The following PLCG2 variants were observed in gnomAD, a reference collection of about 807,000 sequenced individuals.
PLCG2 encodes the protein phospholipase C gamma 2.
PLCG2 carries 69 observed loss-of-function variants against 175.6 expected under a neutral mutation model. The observed-to-expected ratio is 0.39, with a 90% CI of 0.32 to 0.48. PLCG2 has a LOEUF of 0.48. PLCG2 is among the 20% of genes least tolerant of loss of function. The pLI, the probability that PLCG2 is intolerant of heterozygous loss-of-function variation, is 0.91. For synonymous variants in PLCG2, 827 were observed against 624.0 expected (o/e 1.33, Z -4.85); for missense variants, 1,798 against 1,650.9 (o/e 1.09, Z -1.54).
chr16:81,951,322 G>A (rs577320095), intron 31 of PLCG2, among the ~76,000 whole-genome samples: 27 of 152,272 alleles, frequency 1.8e-4, no homozygotes, highest in Non-Finnish European at 3.7e-4. Flanking sequence ...GGAAAAACAT[G>A]TAAGAGTAAA....
intron 2 of PLCG2, among the ~76,000 whole-genome samples, chr16:81,831,135 C>G (rs936622046): frequency 4.6e-5 from 7 of 152,226 alleles, no homozygotes; most frequent in Non-Finnish European, 1.0e-4. Context: ...CCTGGTCACA[C>G]ACCATGCTTT....
At chr16:81,835,138 C>T (rs921629438) in intron 2 of PLCG2, among the ~76,000 whole-genome samples, 1 of 152,178 alleles carries the variant, frequency 6.6e-6, no homozygotes, top group African/African-American at 2.4e-5. Context: ...TGACCTTGGA[C>T]AAGCTCCTTG....
intron 5 of PLCG2, among the ~76,000 whole-genome samples, chr16:81,860,730 G>C (rs773936938): frequency 3.9e-5 from 6 of 152,096 alleles, no homozygotes; most frequent in Non-Finnish European, 8.8e-5. Flanking sequence ...CAGCACTTTG[G>C]GAGGCAGAGG....
intron 5 of PLCG2, among the ~76,000 whole-genome samples, 183 bp from the exon 6 acceptor site, chr16:81,869,031 T>G (rs566239808): frequency 2.4e-4 from 37 of 152,388 alleles, no homozygotes; most frequent in African/African-American, 8.9e-4. Context: ...TGCTTGAGCC[T>G]TGCTCATTGA....
chr16:81,816,666 T>C lies in PLCG2; in HGVS notation c.193+30484T>C, dbSNP rs1415139276. Among the ~76,000 whole-genome samples, 21 of 141,050 alleles carry C rather than the reference T, an allele frequency of 1.5e-4. No individual in the cohort carries two copies. In the South Asian group the frequency reaches 1.7e-3, roughly 11 times the overall value. 92.5% of individuals were successfully genotyped at this position (141,050 alleles called of 152,430 possible). A position where few individuals can be genotyped will look rare whatever the true frequency, so the allele number is the denominator to read the frequency against. On this transcript the variant is annotated intron_variant, in intron 2 of 32. Transcript: ENST00000564138. ...GCTAATTTTAATTTTTTTTTTTTTTTTTTTTTTTTTTTTTTAGTAGAGGTG... is the reference window on the plus strand; with the variant it reads ...GCTAATTTTAATTTTTTTTTTTTTTCTTTTTTTTTTTTTTTAGTAGAGGTG...
chr16:81,825,299 T>TTTTTTG (rs1905001129), intron 2 of PLCG2, among the ~76,000 whole-genome samples: 1 of 147,398 alleles, frequency 6.8e-6, no homozygotes. Flanking sequence ...TTTTTTTTTT[T>TTTTTTG]TTTTTTTGAG....
At chr16:81,843,043 T>G (rs1405870357) in intron 2 of PLCG2, among the ~76,000 whole-genome samples, 24 of 144,140 alleles carry the variant, frequency 1.7e-4, no homozygotes, top group African/African-American at 3.4e-4. Flanking sequence ...GGGAAGGGGG[T>G]GGGGTTGTGC....
chr16:81,882,090 A>G (rs1163894666), intron 8 of PLCG2, among the ~76,000 whole-genome samples: 3 of 152,232 alleles, frequency 2.0e-5, no homozygotes, highest in Admixed American at 6.5e-5. Context: ...AGCTCAGGGC[A>G]TGTTTCATCT....
At chr16:81,935,835 C>A in intron 26 of PLCG2, 1 of 985,274 alleles carries the variant, frequency 1.0e-6, no homozygotes, top group South Asian at 4.7e-5. Context: ...CTTCTCCTAC[C>A]CAAAACCATT....
intron 30 of PLCG2, among the ~76,000 whole-genome samples, chr16:81,942,538 T>C (rs1484572719): frequency 1.3e-5 from 2 of 152,196 alleles, no homozygotes. Flanking sequence ...CCATTGTCAT[T>C]AGAGATGCAC....
In PLCG2 at chr16:81,771,696, AAAC is replaced by A. The variant is rs201264968; in HGVS notation, c.-47-14238_-47-14236del. ...CCCCCCCCAACCCCCCACCCAAAAA[AAAC>A]AACAACAAAAAAACTAAGTCCTAAA... On this transcript the variant is annotated intron_variant, in intron 2 of 5. Coordinates refer to the PLCG2 transcript ENST00000565054. Among the ~76,000 whole-genome samples, 1,283 of 152,002 alleles carry A rather than the reference AAAC, an allele frequency of 8.4e-3. 11 individuals are homozygous for A. The highest frequency in any genetic ancestry group is 0.024 in the Middle Eastern group (7 of 294).
intron 2 of PLCG2, among the ~76,000 whole-genome samples, chr16:81,812,194 C>T (rs1251781868): frequency 2.0e-5 from 3 of 152,002 alleles, no homozygotes; most frequent in African/African-American, 7.3e-5. Flanking sequence ...GGACTACAGG[C>T]ACCTGCCACC....
upstream of PLCG2, among the ~76,000 whole-genome samples, chr16:81,777,970 T>C (rs1186219924): frequency 7.2e-6 from 1 of 139,740 alleles, no homozygotes; most frequent in African/African-American, 2.7e-5. Context: ...TGAGCCGAGA[T>C]CGTGCCACTG....
intron 16 of PLCG2, among the ~76,000 whole-genome samples, chr16:81,908,059 C>G (rs765415779): frequency 6.6e-6 from 1 of 152,206 alleles, no homozygotes; most frequent in Non-Finnish European, 1.5e-5. Flanking sequence ...CCCATGCTTT[C>G]CTGTTGCCCT....
At chr16:81,943,509 TGGA>T (rs1427493942) in intron 30 of PLCG2, among the ~76,000 whole-genome samples, 2 of 152,074 alleles carry the variant, frequency 1.3e-5, no homozygotes, top group African/African-American at 2.4e-5. Flanking sequence ...GCTCCAACAG[TGGA>T]GATCACAATT....
intron 2 of PLCG2, among the ~76,000 whole-genome samples, chr16:81,803,360 T>C (rs1044140192): frequency 6.6e-6 from 1 of 152,056 alleles, no homozygotes; most frequent in Non-Finnish European, 1.5e-5. Flanking sequence ...TAGCCTAACA[T>C]AAGGTTCGTT....
intron 1 of PLCG2, among the ~76,000 whole-genome samples, chr16:81,750,422 C>CAAAA (rs35697599): frequency 5.5e-5 from 6 of 110,018 alleles, no homozygotes; most frequent in African/African-American, 1.9e-4. Flanking sequence ...GACTCTGTCT[C>CAAAA]AAAAAAAAAA....
chr16:81,839,415 A>G (rs1905702213), intron 2 of PLCG2, among the ~76,000 whole-genome samples: 1 of 152,114 alleles, frequency 6.6e-6, no homozygotes, highest in Non-Finnish European at 1.5e-5. Flanking sequence ...ATTTTGATAC[A>G]CAGTACTGGT....
intron 18 of PLCG2, among the ~76,000 whole-genome samples, chr16:81,911,226 T>C (rs925430974): frequency 5.9e-5 from 9 of 152,206 alleles, no homozygotes; most frequent in East Asian, 1.9e-4. Context: ...GTATTACTTA[T>C]AGCAACTTTT....
Sources: gnomAD v4.1 joint callset for allele counts (sites outside exome capture counted in the v4.1 genomes callset) on GRCh38, gnomAD v4.1.1 for gene constraint, MANE v1.5 for transcripts, NCBI Gene and HGNC (gene_info 2026-07-23, HGNC 2026-07-21) for gene names.